CFAP299: variants seen among roughly 807,000 people sequenced by gnomAD.
The protein encoded by CFAP299 is cilia and flagella associated protein 299, also known as cilia- and flagella-associated protein 299.
In CFAP299, 21 loss-of-function variants were observed where a neutral mutation model predicts 27.0. The ratio of observed to expected loss-of-function variants is 0.78; its 90% CI spans 0.55 to 1.12. The LOEUF is 1.12. Among genes scored for constraint, CFAP299 ranks in the 50% most tolerant of loss-of-function variants. The pLI is 0.00. For missense variants in CFAP299, 310 were observed against 276.6 expected, an observed-to-expected ratio of 1.12 and a Z score of -0.86; for synonymous variants, 104 against 98.1, an observed-to-expected ratio of 1.06 and a Z score of -0.36.
chr4:80,825,836 C>T (rs1437559290), intron 3 of CFAP299, among the ~76,000 whole-genome samples: 3 of 151,828 alleles, frequency 2.0e-5, no homozygotes, highest in Non-Finnish European at 2.9e-5. Context: ...AACATATGAA[C>T]ATTTATAAAG....
At chr4:80,428,463 A>G (rs1307025295) in intron 2 of CFAP299, among the ~76,000 whole-genome samples, 1 of 152,204 alleles carries the variant, frequency 6.6e-6, no homozygotes, top group Non-Finnish European at 1.5e-5. Flanking sequence ...TATGAAGAAA[A>G]TGTTTCCTCG....
chr4:80,428,819 G>A (rs1231110490), intron 2 of CFAP299, among the ~76,000 whole-genome samples: 3 of 151,992 alleles, frequency 2.0e-5, no homozygotes, highest in Admixed American at 2.0e-4. Flanking sequence ...GATTACAGGC[G>A]TGAGCCACCA....
At chr4:80,524,450 CAGT>C (rs1389106448) in intron 2 of CFAP299, among the ~76,000 whole-genome samples, 1 of 151,724 alleles carries the variant, frequency 6.6e-6, no homozygotes, top group Admixed American at 6.6e-5. Context: ...TACTAGATGC[CAGT>C]AGTAACTTCT....
intron 3 of CFAP299, among the ~76,000 whole-genome samples, chr4:80,715,523 G>A (rs554047251): frequency 6.6e-6 from 1 of 152,024 alleles, no homozygotes; most frequent in South Asian, 2.1e-4. Context: ...CCTGAGGGTT[G>A]TCATAAATAT....
chr4:80,941,954 C>G (rs1376724246), intron 4 of CFAP299, among the ~76,000 whole-genome samples: 1 of 152,176 alleles, frequency 6.6e-6, no homozygotes, highest in African/African-American at 2.4e-5. Context: ...CAGGCCCCAC[C>G]TCCAACATTG....
intron 3 of CFAP299, among the ~76,000 whole-genome samples, chr4:80,651,669 C>T (rs1170036542): frequency 3.3e-5 from 5 of 150,478 alleles, no homozygotes; most frequent in African/African-American, 1.2e-4. Context: ...CCGGGCGAAT[C>T]TCACTTTCTT....
At chr4:80,527,915 A>T (rs184302786) in intron 2 of CFAP299, among the ~76,000 whole-genome samples, 8 of 152,222 alleles carry the variant, frequency 5.3e-5, no homozygotes, top group Middle Eastern at 3.4e-3. Context: ...TTCCTGGTTG[A>T]CAAATGACAT....
chr4:80,760,803 A>G (rs1388337835), intron 3 of CFAP299, among the ~76,000 whole-genome samples: 1 of 152,178 alleles, frequency 6.6e-6, no homozygotes, highest in East Asian at 1.9e-4. Flanking sequence ...AGCCCTTGCA[A>G]TAGAGTCACT....
intron 2 of CFAP299, among the ~76,000 whole-genome samples, chr4:80,564,365 A>G (rs1296217819): frequency 6.6e-6 from 1 of 152,056 alleles, no homozygotes; most frequent in African/African-American, 2.4e-5. Flanking sequence ...GGATGCAAAG[A>G]TGTTTCAACA....
chr4:80,357,542 A>G (rs141354163), intron 1 of CFAP299, among the ~76,000 whole-genome samples: 220 of 152,300 alleles, frequency 1.4e-3, no homozygotes, highest in African/African-American at 4.9e-3. Context: ...CAAGGATTCA[A>G]GTTCTTCCTG....
chr4:80,510,645 T>TCATGAGTTACCTGTCATGACTAG (rs1732250248), intron 2 of CFAP299, among the ~76,000 whole-genome samples: 2 of 152,196 alleles, frequency 1.3e-5, no homozygotes, highest in African/African-American at 4.8e-5. Context: ...GGTACTCCTG[T>TCATGAGTTACCTGTCATGACTAG]GTAAGCCAGT....
intron 3 of CFAP299, among the ~76,000 whole-genome samples, chr4:80,847,599 C>G (rs1451228491): frequency 2.6e-5 from 4 of 152,214 alleles, no homozygotes; most frequent in African/African-American, 9.7e-5. Flanking sequence ...GACTGATGCA[C>G]TAACTACGTG....
At chr4:80,676,606 T>A (rs1272843130) in intron 3 of CFAP299, among the ~76,000 whole-genome samples, 2 of 152,114 alleles carry the variant, frequency 1.3e-5, no homozygotes, top group Non-Finnish European at 2.9e-5. Context: ...GGAAAGACTT[T>A]TTTATTATAG....
At chr4:80,587,853 A>ATAATAATGATTATAATTTCAGCAAT in intron 3 of CFAP299, among the ~76,000 whole-genome samples, 2 of 151,560 alleles carry the variant, frequency 1.3e-5, no homozygotes, top group African/African-American at 4.9e-5. Flanking sequence ...GGGCCTCCCA[A>ATAATAATGATTATAATTTCAGCAAT]AGTGCAGGCT....
chr4:80,855,741 A>AT (rs1185548472), intron 3 of CFAP299, among the ~76,000 whole-genome samples: 1 of 152,142 alleles, frequency 6.6e-6, no homozygotes, highest in African/African-American at 2.4e-5. Context: ...TGAACTCATC[A>AT]TTTTTTATGG....
intron 4 of CFAP299, among the ~76,000 whole-genome samples, chr4:80,873,799 C>T (rs2110170749): frequency 6.6e-6 from 1 of 152,298 alleles, no homozygotes; most frequent in African/African-American, 2.4e-5. Flanking sequence ...GAACAAAGAT[C>T]TAAGGCTTGC....
intron 3 of CFAP299, among the ~76,000 whole-genome samples, chr4:80,679,844 A>T (rs1304724453): frequency 2.6e-5 from 4 of 151,244 alleles, no homozygotes; most frequent in Non-Finnish European, 5.9e-5. Flanking sequence ...GCATTTTCAT[A>T]CATTGTCAGA....
At chr4:80,854,267 T>C (rs1731697272) in intron 3 of CFAP299, among the ~76,000 whole-genome samples, 1 of 152,082 alleles carries the variant, frequency 6.6e-6, no homozygotes, top group South Asian at 2.1e-4. Flanking sequence ...AAAGATAAAA[T>C]AGTTGGTGTG....
At chr4:80,681,347 G>A (rs1042291626) in intron 3 of CFAP299, among the ~76,000 whole-genome samples, 1 of 151,974 alleles carries the variant, frequency 6.6e-6, no homozygotes, top group African/African-American at 2.4e-5. Flanking sequence ...AACGAAGGAT[G>A]AAAGACAAGC....
Sources: gnomAD v4.1 joint callset for allele counts (sites outside exome capture counted in the v4.1 genomes callset) on GRCh38, gnomAD v4.1.1 for gene constraint, MANE v1.5 for transcripts, NCBI Gene and HGNC (gene_info 2026-07-23, HGNC 2026-07-21) for gene names.